JPH1: variants seen among roughly 807,000 people sequenced by gnomAD.
JPH1 encodes junctophilin 1.
A neutral mutation model predicts 53.6 loss-of-function variants in JPH1; 12 were observed. That is an observed-to-expected ratio of 0.22 (90% CI 0.14 to 0.36). JPH1 has a LOEUF of 0.36. JPH1 is among the 10% of genes least tolerant of loss of function. The pLI, the probability that JPH1 is intolerant of heterozygous loss-of-function variation, is 1.00. For synonymous variants in JPH1, 375 were observed against 363.8 expected, an observed-to-expected ratio of 1.03 and a Z score of -0.35; for missense variants, 808 against 905.5, an observed-to-expected ratio of 0.89 and a Z score of 1.38.
Position 74,245,148 on chromosome 8 carries a change from T to C in JPH1, c.1286A>G (p.Gln429Arg). 6.3e-7 allele frequency: 1 copy of C among 1,594,588 alleles called. No individual in the cohort carries two copies. The highest frequency in any genetic ancestry group is 8.5e-7 in the Non-Finnish European group (1 of 1,175,282). The change falls in exon 4 of 6, where the codon CAG (glutamine) becomes CGG (arginine). Residue 429 changes from glutamine (Q) to arginine (R), a missense_variant. Coordinates refer to ENST00000342232, the MANE Select transcript of JPH1 (RefSeq NM_020647.4). ...ATTTTCTTTAGCATCTACACCTTCC[T>C]GAAATCTCTGTTTGACGTAATCAGG... The part of the protein sequence containing the change: ...PGPDYVKQRF[Q>R]EGVDAKENPE...
At chr8:74,276,831 C>T (rs1196530567) in intron 2 of JPH1, among the ~76,000 whole-genome samples, 1 of 152,172 alleles carries the variant, frequency 6.6e-6, no homozygotes, top group Non-Finnish European at 1.5e-5. Context: ...TGAACATTTT[C>T]TTCCAAATGA....
Position 74,259,475 on chromosome 8 carries a change from C to T in JPH1, c.1168G>A (p.Ala390Thr), listed in dbSNP as rs1399307363. ...RTAHARAKAD[A>T]ADQAALAARQ... is the part of the protein sequence containing the mutation. ...GCGGCCAGCGCGGCCTGGTCGGCGG[C>T]ATCGGCCTTCGCTCTGGCATGTGCA... Residue 390 changes from alanine (A) to threonine (T), a missense_variant, in exon 3 of 6, where the codon GCC becomes ACC. Physicochemically the swap from Ala to Thr is moderately conservative, Grantham distance 58 (BLOSUM62 0). Transcript: ENST00000342232. The T allele has an allele frequency of 2.5e-6, 4 of 1,611,818 alleles. No homozygotes were observed. Among genetic ancestry groups the T allele is most frequent in the Non-Finnish European group, 3.4e-6 (4 of 1,178,714 alleles).
chr8:74,289,271 T>C (rs912136785), intron 2 of JPH1, among the ~76,000 whole-genome samples: 6 of 152,230 alleles, frequency 3.9e-5, no homozygotes, highest in African/African-American at 1.2e-4. Flanking sequence ...CTTAACACCA[T>C]TGCAGTCTGG....
At chr8:74,256,854 C>A (rs552387689) in intron 3 of JPH1, among the ~76,000 whole-genome samples, 68 of 152,214 alleles carry the variant, frequency 4.5e-4, no homozygotes, top group African/African-American at 1.5e-3. Context: ...AGGTAATTTG[C>A]CATGGAAGCG....
chr8:74,255,783 A>T (rs924627707), intron 3 of JPH1, among the ~76,000 whole-genome samples: 1 of 152,250 alleles, frequency 6.6e-6, no homozygotes, highest in African/African-American at 2.4e-5. Flanking sequence ...CAAAAAACAC[A>T]TGAAAAAATG....
chr8:74,309,505 G>C (rs1040067266), intron 2 of JPH1, among the ~76,000 whole-genome samples: 1 of 152,036 alleles, frequency 6.6e-6, no homozygotes, highest in African/African-American at 2.4e-5. Context: ...CTTCCTAAGT[G>C]ATCTGTTCAT....
At chr8:74,257,677 GGA>G (rs1806277459) in intron 3 of JPH1, among the ~76,000 whole-genome samples, 1 of 152,152 alleles carries the variant, frequency 6.6e-6, no homozygotes. Context: ...TCACGCCAGA[GGA>G]GAGTTTATTC....
In JPH1 at chr8:74,320,882, A is replaced by T. The variant is rs1320330462; in HGVS notation, c.379+27T>A. The stretch of plus-strand genomic sequence containing the variant: ...AGCCCACCGCACCAGCTCGCGGAGC[A>T]GCCGAGCCGCCCGTTACGCCGCTCA... On this transcript the variant is annotated intron_variant, in intron 1 of 5. Transcript: ENST00000342232. The surrounding 1 kb of genome is among the most constrained non-coding windows in gnomAD (Gnocchi z 4.4). The T allele has an allele frequency of 4.0e-6, 6 of 1,488,404 alleles. No homozygotes were observed. Among genetic ancestry groups the T allele is most frequent in the Non-Finnish European group, 5.4e-6 (6 of 1,120,516 alleles). 92.2% of individuals were successfully genotyped at this position (1,488,404 alleles called of 1,614,324 possible).
At chr8:74,288,056 T>C (rs958177721) in intron 2 of JPH1, among the ~76,000 whole-genome samples, 1 of 152,156 alleles carries the variant, frequency 6.6e-6, no homozygotes, top group African/African-American at 2.4e-5. Context: ...TCACAATTTA[T>C]TGGATGTGTT....
At chr8:74,313,946 AT>A (rs1808066849) in intron 2 of JPH1, among the ~76,000 whole-genome samples, 4 of 152,284 alleles carry the variant, frequency 2.6e-5, no homozygotes, top group Admixed American at 2.6e-4. Flanking sequence ...TTCCCAATAG[AT>A]TTTTCCATCC....
At chr8:74,294,445 C>G (rs1428505524) in intron 2 of JPH1, among the ~76,000 whole-genome samples, 1 of 152,196 alleles carries the variant, frequency 6.6e-6, no homozygotes, top group African/African-American at 2.4e-5. Flanking sequence ...TGTCCCTGTC[C>G]TGATTCACGT....
intron 3 of JPH1, among the ~76,000 whole-genome samples, chr8:74,254,471 T>C (rs1281110335): frequency 6.6e-6 from 1 of 152,072 alleles, no homozygotes; most frequent in Non-Finnish European, 1.5e-5. Flanking sequence ...CCATTCCCTT[T>C]GAAAACTGGC....
intron 3 of JPH1, among the ~76,000 whole-genome samples, chr8:74,250,305 G>C (rs765461904): frequency 6.6e-6 from 1 of 152,012 alleles, no homozygotes; most frequent in Non-Finnish European, 1.5e-5. Context: ...GCTAATTTTT[G>C]TATTTTTAGT....
chr8:74,269,979 C>T (rs1197726980), intron 2 of JPH1, among the ~76,000 whole-genome samples: 9 of 152,312 alleles, frequency 5.9e-5, no homozygotes, highest in Admixed American at 3.9e-4. Flanking sequence ...TGTATTCATG[C>T]TTTCTCTGTG....
At chr8:74,290,240 T>C (rs1284529137) in intron 2 of JPH1, among the ~76,000 whole-genome samples, 21 of 152,120 alleles carry the variant, frequency 1.4e-4, no homozygotes, top group Admixed American at 1.4e-3. Context: ...GAAAACCCCA[T>C]CATCTCAGCC....
At chr8:74,252,066 T>C (rs1192535976) in intron 3 of JPH1, among the ~76,000 whole-genome samples, 4 of 152,150 alleles carry the variant, frequency 2.6e-5, no homozygotes, top group African/African-American at 9.6e-5. Flanking sequence ...AAACAAGAAA[T>C]GGGGAAAGGA....
At chr8:74,289,642 C>T (rs577915941) in intron 2 of JPH1, among the ~76,000 whole-genome samples, 1 of 152,322 alleles carries the variant, frequency 6.6e-6, no homozygotes, top group Non-Finnish European at 1.5e-5. Context: ...TTCCCCATGA[C>T]CTTTCCTGAT....
rs761429402 is a variant in JPH1, at chr8:74,321,279, G to C, written c.9C>G (p.Gly3=). 1 of 1,578,068 alleles carries C rather than the reference G, an allele frequency of 6.3e-7. No homozygotes were observed. The highest frequency in any genetic ancestry group is 1.8e-5 in the Admixed American group (1 of 56,570). ...CGCCATCGTCGAAGTCGAACCTTCC[G>C]CCCGTCATTCGGGGGGCAGCCCCGG... MT[G]GRFDFDDGGT... is the part of the protein sequence containing the mutation. Residue 3 remains glycine, a synonymous_variant, in exon 1 of 6, where the codon GGC becomes GGG. Transcript: ENST00000342232. This position sits in a 1 kb window ranked among gnomAD's most constrained non-coding sequence, Gnocchi z 4.3.
In JPH1 at chr8:74,320,900, G is replaced by A; in HGVS notation, c.379+9C>T. Reference sequence around the variant, plus strand: ...GCGGAGCAGCCGAGCCGCCCGTTACGCCGCTCACCTCCGTCCCCGTAGGTC... The same window carrying A: ...GCGGAGCAGCCGAGCCGCCCGTTACACCGCTCACCTCCGTCCCCGTAGGTC... On this transcript the variant is annotated intron_variant, in intron 1 of 5. Transcript: ENST00000342232. This position sits in a 1 kb window ranked among gnomAD's most constrained non-coding sequence, Gnocchi z 4.4. 4 of 1,502,756 alleles carry A rather than the reference G, an allele frequency of 2.7e-6. No individual in the cohort carries two copies. The highest frequency in any genetic ancestry group is 2.6e-5 in the South Asian group (2 of 75,570). 93.1% of individuals were successfully genotyped at this position (1,502,756 alleles called of 1,614,324 possible). A position where few individuals can be genotyped will look rare whatever the true frequency, so the allele number is the denominator to read the frequency against.
Sources: allele counts gnomAD v4.1 joint callset (sites outside exome capture counted in the v4.1 genomes callset), GRCh38; gene constraint gnomAD v4.1.1; non-coding constraint Gnocchi (gnomAD v3.1); transcripts MANE v1.5; gene names NCBI Gene and HGNC (gene_info 2026-07-23, HGNC 2026-07-21).